Variants in SORCS3 observed in about 807,000 individuals in gnomAD.
SORCS3 encodes the protein VPS10 domain-containing receptor SorCS3.
Under a neutral mutation model 146.3 loss-of-function variants are expected in SORCS3, and 57 were observed. The observed-to-expected ratio is 0.39, with a 90% confidence interval of 0.31 to 0.49. The LOEUF (loss-of-function observed/expected upper bound fraction) is 0.49, where lower values mean the gene tolerates loss of function less well. Ranked by LOEUF, SORCS3 falls within the 20% of genes least tolerant of loss-of-function variation. The pLI is 0.92. For missense variants in SORCS3, 1,341 were observed against 1,575.5 expected, an observed-to-expected ratio of 0.85 and a Z score of 2.52; for synonymous variants, 653 against 618.5, an observed-to-expected ratio of 1.06 and a Z score of -0.83.
At position 105,263,738 on chromosome 10, in the gene SORCS3, C is replaced by T. The variant is rs2056975188; in HGVS notation, c.*364C>T. On this transcript the variant is annotated 3_prime_UTR_variant, in exon 27 of 27. Transcript: ENST00000369701. The stretch of plus-strand genomic sequence containing the variant: ...CTCATCCCCACAGCAGAATCACCAA[C>T]ACTCTCCGCTTCCCCCAGCACACAC... 1 of 235,084 alleles carries T rather than the reference C, an allele frequency of 4.3e-6. No homozygotes were observed. The highest frequency in any genetic ancestry group is 2.3e-5 in the African/African-American group (1 of 44,040). The allele number at this position is 235,084 out of a possible 1,614,324, so 14.6% of individuals were successfully genotyped here.
At chr10:105,218,080 T>G (rs1307100544) in intron 19 of SORCS3, among the ~76,000 whole-genome samples, 2 of 152,196 alleles carry the variant, frequency 1.3e-5, no homozygotes, top group African/African-American at 4.8e-5. Flanking sequence ...ATAAACAACC[T>G]ACACCTTAAG....
At chr10:105,167,230 A>ATTG (rs576495900) in intron 12 of SORCS3, 28 bp from the exon 13 acceptor site, 150 of 1,485,028 alleles carry the variant, frequency 1.0e-4, no homozygotes, top group Middle Eastern at 5.1e-4. Context: ...TGTTGCTATG[A>ATTG]TTGTTGTTGT....
At chr10:104,972,636 A>AAGAG (rs879781865) in intron 3 of SORCS3, among the ~76,000 whole-genome samples, 2 of 150,076 alleles carry the variant, frequency 1.3e-5, no homozygotes, top group Non-Finnish European at 3.0e-5. Flanking sequence ...GAGAGAGAGA[A>AAGAG]AGAGAGAGAG....
At chr10:104,945,980 G>T (rs2019366896) in intron 3 of SORCS3, among the ~76,000 whole-genome samples, 1 of 152,056 alleles carries the variant, frequency 6.6e-6, no homozygotes, top group African/African-American at 2.4e-5. Flanking sequence ...CTGAGTTCTA[G>T]TCCTGGCTCC....
At chr10:104,836,476 C>G (rs1035099435) in intron 1 of SORCS3, among the ~76,000 whole-genome samples, 4 of 152,120 alleles carry the variant, frequency 2.6e-5, no homozygotes, top group Non-Finnish European at 5.9e-5. Context: ...TTGGGGACAG[C>G]AGAAGATACT....
intron 1 of SORCS3, among the ~76,000 whole-genome samples, chr10:104,688,506 G>C (rs1271367652): frequency 6.6e-6 from 1 of 152,242 alleles, no homozygotes; most frequent in Non-Finnish European, 1.5e-5. Flanking sequence ...ACGTGCAGGA[G>C]TGCAGCGGTG....
chr10:104,983,287 C>T (rs1163462847), intron 4 of SORCS3, among the ~76,000 whole-genome samples: 1 of 151,410 alleles, frequency 6.6e-6, no homozygotes, highest in Non-Finnish European at 1.5e-5. Flanking sequence ...CAGGTGTGAA[C>T]CATGCACCGC....
chr10:105,165,877 T>C (rs1039214346), intron 12 of SORCS3, among the ~76,000 whole-genome samples: 2 of 152,116 alleles, frequency 1.3e-5, no homozygotes, highest in South Asian at 2.1e-4. Context: ...AAATGAGCAG[T>C]GGCCAGATGG....
chr10:104,701,060 C>T (rs2016274231), intron 1 of SORCS3, among the ~76,000 whole-genome samples: 1 of 152,218 alleles, frequency 6.6e-6, no homozygotes, highest in Non-Finnish European at 1.5e-5. Flanking sequence ...CTTGCATTTG[C>T]TGTACTTGGA....
At chr10:105,229,329 C>A (rs2056753932) in intron 20 of SORCS3, among the ~76,000 whole-genome samples, 1 of 151,628 alleles carries the variant, frequency 6.6e-6, no homozygotes, top group African/African-American at 2.4e-5. Flanking sequence ...ATTTTGAATT[C>A]CTTTTCTTGG....
intron 1 of SORCS3, among the ~76,000 whole-genome samples, chr10:104,838,940 G>T (rs74155053): frequency 0.052 from 7,970 of 152,224 alleles, 255 homozygotes; most frequent in East Asian, 0.13. Flanking sequence ...CTACCTTGGG[G>T]GTACTTGGTC....
At chr10:105,137,988 A>G (rs2056070104) in intron 7 of SORCS3, among the ~76,000 whole-genome samples, 1 of 152,258 alleles carries the variant, frequency 6.6e-6, no homozygotes, top group African/African-American at 2.4e-5. Flanking sequence ...ACTTCAGAGC[A>G]ACCTATTGAT....
intron 5 of SORCS3, among the ~76,000 whole-genome samples, chr10:105,083,418 A>T (rs911766139): frequency 6.6e-6 from 1 of 152,110 alleles, no homozygotes; most frequent in African/African-American, 2.4e-5. Flanking sequence ...TTGGTCCTAG[A>T]AATGTGAAGG....
chr10:104,946,873 T>C (rs777881815), intron 3 of SORCS3, among the ~76,000 whole-genome samples: 1 of 152,244 alleles, frequency 6.6e-6, no homozygotes, highest in Non-Finnish European at 1.5e-5. Context: ...CCTAGAGGAA[T>C]AGAAGGCCTT....
At chr10:105,012,659 A>G (rs1001754796) in intron 4 of SORCS3, among the ~76,000 whole-genome samples, 3 of 152,088 alleles carry the variant, frequency 2.0e-5, no homozygotes, top group Non-Finnish European at 4.4e-5. Context: ...CCCTCCACAC[A>G]CATATCTATG....
intron 6 of SORCS3, among the ~76,000 whole-genome samples, chr10:105,102,538 A>T (rs959294986): frequency 6.6e-6 from 1 of 152,170 alleles, no homozygotes; most frequent in Non-Finnish European, 1.5e-5. Context: ...TTGAGGGAAG[A>T]GGTTGGGAGG....
chr10:104,801,853 A>G (rs897514567), intron 1 of SORCS3, among the ~76,000 whole-genome samples: 1 of 152,202 alleles, frequency 6.6e-6, no homozygotes, highest in Non-Finnish European at 1.5e-5. Flanking sequence ...AAAAAATTGG[A>G]AATTTCTACC....
At chr10:105,094,088 T>C (rs1173062915) in intron 6 of SORCS3, among the ~76,000 whole-genome samples, 1 of 152,208 alleles carries the variant, frequency 6.6e-6, no homozygotes, top group East Asian at 1.9e-4. Flanking sequence ...AAAGGTGTTA[T>C]GTTGAGTGAA....
At chr10:104,961,428 A>G (rs1289169254) in intron 3 of SORCS3, among the ~76,000 whole-genome samples, 1 of 152,192 alleles carries the variant, frequency 6.6e-6, no homozygotes, top group Admixed American at 6.6e-5. Context: ...AAAAGCCCCA[A>G]ATCAAAACAT....
Sources: allele counts gnomAD v4.1 joint callset (sites outside exome capture counted in the v4.1 genomes callset), GRCh38; gene constraint gnomAD v4.1.1; transcripts MANE v1.5; gene names NCBI Gene and HGNC (gene_info 2026-07-23, HGNC 2026-07-21).